Variants in CEP170 observed in about 807,000 individuals in gnomAD.
CEP170 encodes the protein centrosomal protein 170.
In CEP170, 21 loss-of-function variants were observed where a neutral mutation model predicts 151.9. That is an observed-to-expected ratio of 0.14 (90% CI 0.10 to 0.20). CEP170 has a LOEUF of 0.20. Among genes scored for constraint, CEP170 ranks in the 10% least tolerant of loss-of-function variants. The probability of loss-of-function intolerance (pLI) is 1.00; values close to 1 mark genes in which losing one functional copy is unlikely to be tolerated. For synonymous variants in CEP170, 356 were observed against 648.8 expected, an observed-to-expected ratio of 0.55 and a Z score of 6.86; for missense variants, 964 against 1,892.9, an observed-to-expected ratio of 0.51 and a Z score of 9.11.
In CEP170 at chr1:243,166,116, T is replaced by C. The variant is rs1413953278; in HGVS notation, c.1844A>G (p.Glu615Gly). 6.2e-7 allele frequency: 1 copy of C among 1,612,562 alleles called. No individual in the cohort carries two copies. The highest frequency in any genetic ancestry group is 1.3e-5 in the African/African-American group (1 of 74,816). ...CATGCCAGACTCACTGATCTCTGTC[T>C]CTATGAAATAAAAACCACAAAGAAG... ...EFSAPLPLENETEISESGMTV... is the reference protein window; with the variant it reads ...EFSAPLPLENGTEISESGMTV... Residue 615 changes from glutamate (E) to glycine (G), a missense_variant and splice_region_variant, in exon 13 of 20, where the codon GAG becomes GGG. By Grantham distance (98) the Glu-to-Gly change is moderately conservative (BLOSUM62 -2). Transcript: ENST00000366542.
intron 1 of CEP170, among the ~76,000 whole-genome samples, chr1:243,240,813 C>A (rs371109468): frequency 4.6e-5 from 7 of 152,240 alleles, no homozygotes; most frequent in African/African-American, 1.7e-4. Context: ...CTGCCTCAGC[C>A]TCCCAAGTAG....
At chr1:243,137,656 T>C (rs1445821465) in intron 16 of CEP170, among the ~76,000 whole-genome samples, 1 of 151,750 alleles carries the variant, frequency 6.6e-6, no homozygotes, top group Non-Finnish European at 1.5e-5. Context: ...GTGCCTGTAG[T>C]CCCAGCTACT....
At chr1:243,173,025 A>G (rs144928926) in intron 10 of CEP170, among the ~76,000 whole-genome samples, 179 bp from the exon 11 acceptor site, 11 of 152,312 alleles carry the variant, frequency 7.2e-5, no homozygotes, top group African/African-American at 2.4e-4. Context: ...ATAGCTAGAA[A>G]CGAAAGCAGG....
At chr1:243,177,007 T>C (rs2059299068) in intron 10 of CEP170, among the ~76,000 whole-genome samples, 1 of 152,226 alleles carries the variant, frequency 6.6e-6, no homozygotes, top group African/African-American at 2.4e-5. Flanking sequence ...TCATAGTCAT[T>C]ATTATTGAAA....
intron 1 of CEP170, among the ~76,000 whole-genome samples, chr1:243,247,917 T>G (rs1460498559): frequency 6.6e-6 from 1 of 152,230 alleles, no homozygotes; most frequent in African/African-American, 2.4e-5. Context: ...CTCGTTTGGC[T>G]ACCACAATAA....
intron 3 of CEP170, among the ~76,000 whole-genome samples, chr1:243,215,850 C>T (rs532203102): frequency 9.1e-4 from 138 of 152,216 alleles, no homozygotes; most frequent in African/African-American, 2.9e-3. Flanking sequence ...CGGGGCATCA[C>T]GGAACCTGCT....
intron 13 of CEP170, among the ~76,000 whole-genome samples, chr1:243,160,916 A>G (rs1174736735): frequency 6.6e-6 from 1 of 151,008 alleles, no homozygotes; most frequent in African/African-American, 2.4e-5. Context: ...TAAAATGTGC[A>G]CTTAAAACAT....
At chr1:243,228,401 G>T (rs1467710598) in intron 1 of CEP170, among the ~76,000 whole-genome samples, 1 of 152,078 alleles carries the variant, frequency 6.6e-6, no homozygotes, top group Non-Finnish European at 1.5e-5. Flanking sequence ...GATGTTGTTG[G>T]TCTTCCATCT....
chr1:243,182,920 A>T (rs2059714688), intron 10 of CEP170, among the ~76,000 whole-genome samples: 1 of 152,114 alleles, frequency 6.6e-6, no homozygotes, highest in Non-Finnish European at 1.5e-5. Context: ...GAACTGGTGA[A>T]GCAGTAATAA....
In CEP170 at chr1:243,191,302, G is replaced by A; in HGVS notation, c.824C>T (p.Ala275Val). The A allele has an allele frequency of 6.2e-7, 1 of 1,613,062 alleles. No homozygotes were observed. The highest frequency in any genetic ancestry group is 8.5e-7 in the Non-Finnish European group (1 of 1,179,542). Residue 275 changes from alanine to valine, a missense_variant, in exon 8 of 20, where the codon GCA (alanine) becomes GTA (valine). Transcript: ENST00000366542. ...TTCAATGGTAAATGAAGCATGCCCT[G>A]CACCTGTTATATGGGAACTTGGCGT... The part of the protein sequence containing the change: ...KDTPSSHITG[A>V]GHASFTIEFD...
chr1:243,188,929 T>C (rs2060102291), intron 8 of CEP170, among the ~76,000 whole-genome samples: 1 of 152,278 alleles, frequency 6.6e-6, no homozygotes, highest in Non-Finnish European at 1.5e-5. Context: ...ATGTCATTTA[T>C]ACACATGTCC....
At chr1:243,227,831 G>A (rs534179782) in intron 1 of CEP170, among the ~76,000 whole-genome samples, 7 of 152,306 alleles carry the variant, frequency 4.6e-5, no homozygotes, top group African/African-American at 1.7e-4. Context: ...GAAGGCCTTT[G>A]GACTGAGAGC....
chr1:243,155,130 TA>T (rs1232379216), intron 14 of CEP170, among the ~76,000 whole-genome samples: 1 of 152,196 alleles, frequency 6.6e-6, no homozygotes, highest in Non-Finnish European at 1.5e-5. Flanking sequence ...AATGCTTCAT[TA>T]ATTACTCTCC....
At chr1:243,146,279 T>C (rs1326368864) in intron 14 of CEP170, among the ~76,000 whole-genome samples, 2 of 152,182 alleles carry the variant, frequency 1.3e-5, no homozygotes, top group Non-Finnish European at 2.9e-5. Flanking sequence ...TGATTTATAA[T>C]AGGATGCACC....
At chr1:243,249,177 G>A (rs1413151273) in intron 1 of CEP170, among the ~76,000 whole-genome samples, 2 of 152,044 alleles carry the variant, frequency 1.3e-5, no homozygotes, top group Non-Finnish European at 2.9e-5. Flanking sequence ...TGTAATACTA[G>A]AACTTTGGGA....
intron 17 of CEP170, among the ~76,000 whole-genome samples, chr1:243,130,542 A>T (rs990946862): frequency 6.6e-6 from 1 of 152,196 alleles, no homozygotes; most frequent in Non-Finnish European, 1.5e-5. Flanking sequence ...ATGATTCAGC[A>T]GTCTTAGATG....
intron 17 of CEP170, among the ~76,000 whole-genome samples, chr1:243,132,636 G>T (rs902044417): frequency 3.3e-5 from 5 of 152,082 alleles, no homozygotes; most frequent in Non-Finnish European, 5.9e-5. Context: ...GACAACACAG[G>T]TTATCAATCC....
chr1:243,240,463 C>A (rs1020309351), intron 1 of CEP170, among the ~76,000 whole-genome samples: 2 of 152,188 alleles, frequency 1.3e-5, no homozygotes, highest in African/African-American at 4.8e-5. Context: ...TAGAAGACAA[C>A]CCTTAGTTAA....
chr1:243,150,016 G>C (rs1488584298), intron 14 of CEP170, among the ~76,000 whole-genome samples: 1 of 151,900 alleles, frequency 6.6e-6, no homozygotes, highest in African/African-American at 2.4e-5. Flanking sequence ...TATTTGATCA[G>C]TATTCTTTTT....
Sources: allele counts gnomAD v4.1 joint callset (sites outside exome capture counted in the v4.1 genomes callset), GRCh38; gene constraint gnomAD v4.1.1; transcripts MANE v1.5; gene names NCBI Gene and HGNC (gene_info 2026-07-23, HGNC 2026-07-21).